GSTM4: variants seen among roughly 807,000 people sequenced by gnomAD.
GSTM4 encodes the protein glutathione S-transferase mu 4.
GSTM4 carries 27 observed loss-of-function variants against 30.1 expected under a neutral mutation model. That is an observed-to-expected ratio of 0.90 (90% CI 0.66 to 1.24). The LOEUF is 1.24. Ranked by LOEUF, GSTM4 falls within the 50% of genes most tolerant of loss-of-function variation. GSTM4 has a pLI of 0.00. For missense variants in GSTM4, 238 were observed against 272.1 expected (o/e 0.87, Z 0.88); for synonymous variants, 94 against 96.2 (o/e 0.98, Z 0.13).
downstream of GSTM4, chr1:109,665,213 C>G (rs1240475030): frequency 1.6e-6 from 1 of 643,124 alleles, no homozygotes; most frequent in Non-Finnish European, 2.8e-6. Flanking sequence ...AAGAAAAAGA[C>G]AGGAAGGGTG....
chr1:109,658,608 C>T, intron 5 of GSTM4: 3 of 594,220 alleles, frequency 5.0e-6, no homozygotes, highest in East Asian at 2.8e-5. Flanking sequence ...GTGTTGCATT[C>T]CTCTCTGCCT....
At chr1:109,656,678 A>T in intron 1 of GSTM4, 34 bp from the exon 2 acceptor site, 1 of 1,603,710 alleles carries the variant, frequency 6.2e-7, no homozygotes, top group Non-Finnish European at 8.5e-7. Context: ...GGGACCCTCC[A>T]TCTCTGACAC....
chr1:109,664,970 C>G, downstream of GSTM4: 1 of 1,610,454 alleles, frequency 6.2e-7, no homozygotes, highest in Non-Finnish European at 8.5e-7. Flanking sequence ...AAGACCTTCT[C>G]TCTAATAGGC....
intron 1 of GSTM4, 35 bp from the exon 2 acceptor site, chr1:109,656,677 C>T (rs1370163454): frequency 1.2e-6 from 2 of 1,600,666 alleles, no homozygotes; most frequent in Admixed American, 1.7e-5. Flanking sequence ...AGGGACCCTC[C>T]ATCTCTGACA....
chr1:109,659,476 C>A, intron 7 of GSTM4: 1 of 1,060,370 alleles, frequency 9.4e-7, no homozygotes, highest in Non-Finnish European at 1.3e-6. Context: ...AGGCCTCATC[C>A]AGCCTGGATT....
At chr1:109,657,693 G>T in intron 4 of GSTM4, 22 bp downstream of exon 4, 3 of 1,614,242 alleles carry the variant, frequency 1.9e-6, no homozygotes, top group African/African-American at 1.3e-5. Context: ...TGGCTGCAGT[G>T]TGTGGGGGGA....
Position 109,657,154 on chromosome 1 carries a change from C to T in GSTM4, c.113-61C>T, listed in dbSNP as rs1036338931. On this transcript the variant is annotated intron_variant, in intron 2 of 7. Coordinates refer to ENST00000369836, the MANE Select transcript of GSTM4 (RefSeq NM_000850.5). ...CTTGCCACTGGTTCCTTGGGAGGGT[C>T]CCCGGGAAGGAGGGCTGGGCTCTGG... The T allele has an allele frequency of 2.8e-5, 45 of 1,582,676 alleles. No individual in the cohort carries two copies. The East Asian group carries it at 1.0e-3, about 35-fold the overall frequency.
chr1:109,656,593 T>TGTGTGTGAGAGA, intron 1 of GSTM4, 119 bp from the exon 2 acceptor site: 1 of 556,740 alleles, frequency 1.8e-6, no homozygotes, highest in Non-Finnish European at 3.2e-6. Context: ...TGTGTGTGCG[T>TGTGTGTGAGAGA]GCGCCGGGGT....
chr1:109,659,586 G>A (rs1652209079), intron 7 of GSTM4: 4 of 403,702 alleles, frequency 9.9e-6, no homozygotes, highest in Admixed American at 3.9e-5. Context: ...CGTCGAGTAC[G>A]AAACCCACAG....
Position 109,656,310 on chromosome 1 carries a change from C to A in GSTM4, c.-80C>A. On this transcript the variant is annotated 5_prime_UTR_variant, in exon 1 of 8. Transcript: ENST00000369836. The stretch of plus-strand genomic sequence containing the variant: ...GGCGGGTCTGGCGCTAGGTCCAGCC[C>A]CTGCGTGCCGGGAACCCCAGAGGAG... 2 of 1,413,828 alleles carry A rather than the reference C, an allele frequency of 1.4e-6. No homozygotes were observed. Among genetic ancestry groups the A allele is most frequent in the African/African-American group, 1.4e-5 (1 of 71,180 alleles). 87.6% of individuals were successfully genotyped at this position (1,413,828 alleles called of 1,614,324 possible). A position where few individuals can be genotyped will look rare whatever the true frequency, so the allele number is the denominator to read the frequency against.
downstream of GSTM4, among the ~76,000 whole-genome samples, chr1:109,666,494 G>T (rs1391986395): frequency 6.6e-6 from 1 of 152,182 alleles, no homozygotes; most frequent in East Asian, 1.9e-4. Flanking sequence ...TACCCTGAAA[G>T]ATCAAGGCTG....
chr1:109,657,861 A>C lies in GSTM4; in HGVS notation c.349A>C (p.Ser117Arg). ...VSNQLARVCY[S>R]PDFEKLKPEY... is the part of the protein sequence containing the mutation. ...CAATCAGCTGGCCAGAGTCTGCTAC[A>C]GCCCTGACTTTGTGAGTCCCTCCCT... Residue 117 changes from serine (S) to arginine (R), a missense_variant, in exon 5 of 8, where the codon AGC becomes CGC. Physicochemically the swap from Ser to Arg is moderately radical, Grantham distance 110. Transcript: ENST00000369836. 1 of 1,614,114 alleles carries C rather than the reference A, an allele frequency of 6.2e-7. No homozygotes were observed. Among genetic ancestry groups the C allele is most frequent in the Admixed American group, 1.7e-5 (1 of 60,028 alleles).
rs748289755 is a variant in GSTM4 at position 109,659,101 on chromosome 1, C to T, written c.558C>T (p.Ser186=). 1.9e-6 allele frequency: 3 copies of T among 1,614,196 alleles called. No individual in the cohort carries two copies. The Admixed American group carries it at 5.0e-5, about 27-fold the overall frequency. The part of the protein sequence containing the change: ...DAFPNLKDFI[S]RFEGLEKISA... ...TTCCAAATCTGAAGGACTTCATCTC[C>T]CGCTTTGAGGTGATGCCCCCATCCT... The change falls in exon 7 of 8, where the codon TCC becomes TCT. Residue 186 remains serine, a synonymous_variant. Transcript: ENST00000369836.
At position 109,656,295 on chromosome 1, in the gene GSTM4, G is replaced by A. The variant is rs1294731885; in HGVS notation, c.-95G>A. The A allele has an allele frequency of 7.9e-7, 1 of 1,267,220 alleles. No homozygotes were observed. The highest frequency in any genetic ancestry group is 1.2e-6 in the Non-Finnish European group (1 of 865,506). The allele number at this position is 1,267,220 out of a possible 1,614,324, so 78.5% of individuals were successfully genotyped here. On this transcript the variant is annotated 5_prime_UTR_variant, in exon 1 of 8. Transcript: ENST00000369836. ...CAGCGGGGCCGAGGGGGCGGGTCTG[G>A]CGCTAGGTCCAGCCCCTGCGTGCCG...
intron 3 of GSTM4, 88 bp from the exon 4 acceptor site, chr1:109,657,502 T>G (rs764138365): frequency 9.5e-6 from 15 of 1,578,208 alleles, no homozygotes; most frequent in Non-Finnish European, 1.3e-5. Context: ...AGTGAGTGCC[T>G]GGTCTCCCCT....
downstream of GSTM4, among the ~76,000 whole-genome samples, chr1:109,662,847 C>T (rs1472805481): frequency 6.6e-6 from 1 of 152,170 alleles, no homozygotes; most frequent in Non-Finnish European, 1.5e-5. Flanking sequence ...TACATCTACC[C>T]AGGACCCAGA....
At position 109,657,593 on chromosome 1, in the gene GSTM4, C is replaced by T; in HGVS notation, c.181C>T (p.Pro61Ser). Residue 61 changes from proline (P) to serine (S), a missense_variant, in exon 4 of 8, where the codon CCC (proline) becomes TCC (serine). Transcript: ENST00000369836. ...CCCCGGTTTCCCATCTATCCAGCTG[C>T]CCTACTTGATTGATGGGGCTCACAA... ...FKLGLDFPNL[P>S]YLIDGAHKIT... 1 of 1,614,210 alleles carries T rather than the reference C, an allele frequency of 6.2e-7. No homozygotes were observed. Among genetic ancestry groups the T allele is most frequent in the Non-Finnish European group, 8.5e-7 (1 of 1,180,030 alleles).
chr1:109,658,018 T>C (rs1652116078), intron 5 of GSTM4, 146 bp downstream of exon 5: 5 of 676,108 alleles, frequency 7.4e-6, no homozygotes, highest in African/African-American at 3.6e-5. Context: ...ATTAAACTTA[T>C]AAAATAAAAA....
downstream of GSTM4, chr1:109,661,810 A>T: frequency 3.3e-6 from 2 of 605,004 alleles, no homozygotes; most frequent in Non-Finnish European, 4.2e-6. Context: ...CATAGAGATT[A>T]TGATGGGCTT....
Sources: gnomAD v4.1 joint callset for allele counts (sites outside exome capture counted in the v4.1 genomes callset) on GRCh38, gnomAD v4.1.1 for gene constraint, MANE v1.5 for transcripts, NCBI Gene and HGNC (gene_info 2026-07-23, HGNC 2026-07-21) for gene names.